EIF5B: variants seen among roughly 807,000 people sequenced by gnomAD.
EIF5B encodes the protein eukaryotic translation initiation factor 5B, also known as eIF-5B.
EIF5B carries 47 observed loss-of-function variants against 147.5 expected under a neutral mutation model. That is an observed-to-expected ratio of 0.32 (90% CI 0.25 to 0.41). The LOEUF (loss-of-function observed/expected upper bound fraction) is 0.41. EIF5B is among the 10% of genes least tolerant of loss of function. EIF5B has a pLI of 1.00. For missense variants in EIF5B, 1,064 were observed against 1,413.2 expected (o/e 0.75, Z 3.96); for synonymous variants, 455 against 456.2 (o/e 1.00, Z 0.03).
intron 1 of EIF5B, among the ~76,000 whole-genome samples, chr2:99,344,404 TTTGTTG>T (rs149285717): frequency 3.7e-3 from 551 of 149,510 alleles, no homozygotes; most frequent in African/African-American, 0.012. Context: ...GCCACCACAG[TTTGTTG>T]TTGTTGTTGT....
Position 99,360,320 on chromosome 2 carries a change from A to C in EIF5B, c.120A>C (p.Ser40=). The change falls in exon 2 of 24, where the codon TCA becomes TCC. Residue 40 remains serine, a synonymous_variant. Coordinates refer to ENST00000289371, the MANE Select transcript of EIF5B (RefSeq NM_015904.4). ...CCAAAGAACAGGAGCCTCAAAAGTC[A>C]AAAGGGAAAAAGAAAAAAGAGAAAA... ...GAAKEQEPQK[S]KGKKKKEKKK... The C allele has an allele frequency of 6.2e-7, 1 of 1,611,150 alleles. No homozygotes were observed. Among genetic ancestry groups the C allele is most frequent in the Non-Finnish European group, 8.5e-7 (1 of 1,179,016 alleles).
At chr2:99,362,873 C>G (rs1674249004) in intron 4 of EIF5B, among the ~76,000 whole-genome samples, 1 of 151,666 alleles carries the variant, frequency 6.6e-6, no homozygotes, top group Non-Finnish European at 1.5e-5. Flanking sequence ...ATTCTCCTGT[C>G]TCAGCCTCCC....
At chr2:99,359,999 T>C (rs1674173993) in intron 1 of EIF5B, among the ~76,000 whole-genome samples, 1 of 152,208 alleles carries the variant, frequency 6.6e-6, no homozygotes, top group Non-Finnish European at 1.5e-5. Context: ...ACCCTGATTT[T>C]TTTCTGGAGC....
rs761770096 is a variant in EIF5B at position 99,360,286 on chromosome 2, C to T, written c.86C>T (p.Ala29Val). The T allele has an allele frequency of 1.2e-6, 2 of 1,610,956 alleles. No individual in the cohort carries two copies. Among genetic ancestry groups the T allele is most frequent in the East Asian group, 4.5e-5 (2 of 44,780 alleles). The change falls in exon 2 of 24, where the codon GCT becomes GTT. Residue 29 changes from alanine (A) to valine (V), a missense_variant. Transcript: ENST00000289371. ...GCCTTGGCTGCAGAAATAGAAGGAG[C>T]TGGTGCTGCCAAAGAACAGGAGCCT... is the stretch of plus-strand genomic sequence containing the variant. ...LDALAAEIEG[A>V]GAAKEQEPQK... is the part of the protein sequence containing the mutation.
At chr2:99,388,757 G>C (rs570056809) in intron 14 of EIF5B, among the ~76,000 whole-genome samples, 10 of 152,276 alleles carry the variant, frequency 6.6e-5, no homozygotes, top group Non-Finnish European at 1.5e-4. Context: ...GTTCATGAGT[G>C]ATATGAGTAT....
intron 1 of EIF5B, among the ~76,000 whole-genome samples, chr2:99,344,190 G>T (rs1029174672): frequency 6.6e-6 from 1 of 152,128 alleles, no homozygotes; most frequent in African/African-American, 2.4e-5. Flanking sequence ...GAAGTGCTGG[G>T]ATTATAGGCG....
intron 1 of EIF5B, among the ~76,000 whole-genome samples, chr2:99,342,671 A>G (rs1559241675): frequency 1.3e-5 from 2 of 151,328 alleles, no homozygotes; most frequent in African/African-American, 4.9e-5. Flanking sequence ...TCACTCTGTC[A>G]CCCAGGCTAG....
At chr2:99,351,084 T>C (rs1673943729) in intron 1 of EIF5B, among the ~76,000 whole-genome samples, 2 of 152,238 alleles carry the variant, frequency 1.3e-5, no homozygotes, top group South Asian at 2.1e-4. Context: ...CCCAGCACTT[T>C]GGGAGGCCAA....
At chr2:99,364,203 T>G (rs984316428) in intron 5 of EIF5B, 68 bp from the exon 6 acceptor site, 9 of 1,500,776 alleles carry the variant, frequency 6.0e-6, no homozygotes, top group Non-Finnish European at 8.0e-6. Flanking sequence ...AAGTTTGGAT[T>G]GTTTACATTT....
At chr2:99,379,262 TTGC>T in intron 11 of EIF5B, 53 bp from the exon 12 acceptor site, 2 of 1,502,878 alleles carry the variant, frequency 1.3e-6, no homozygotes, top group East Asian at 2.3e-5. Context: ...CTTATTATTT[TTGC>T]TGCTATCTTT....
At chr2:99,368,105 C>A (rs1425340240) in intron 6 of EIF5B, among the ~76,000 whole-genome samples, 1 of 152,128 alleles carries the variant, frequency 6.6e-6, no homozygotes, top group East Asian at 1.9e-4. Context: ...ATGATAGAGG[C>A]CAGACCGTAA....
intron 23 of EIF5B, 62 bp from the exon 24 acceptor site, chr2:99,399,244 CA>C (rs1675144161): frequency 6.6e-7 from 1 of 1,514,564 alleles, no homozygotes; most frequent in East Asian, 2.3e-5. Context: ...CATCTGGGGC[CA>C]CAGCTTTCTT....
rs370651138 is a variant in EIF5B at position 99,387,954 on chromosome 2, T to C, written c.2272-1764T>C. Among the ~76,000 whole-genome samples the C allele has an allele frequency of 3.7e-4, 56 of 152,364 alleles. No homozygotes were observed. In the East Asian group the frequency reaches 8.9e-3, roughly 24 times the overall value. On this transcript the variant is annotated intron_variant, in intron 14 of 23. Transcript: ENST00000289371. ...TCCCAAAGTGCTAAGATTTAAGACC[T>C]GAGCCACCATGCCTGGCCAGGCCTT... is the stretch of plus-strand genomic sequence containing the variant.
At chr2:99,342,818 G>T (rs899320132) in intron 1 of EIF5B, among the ~76,000 whole-genome samples, 2 of 151,924 alleles carry the variant, frequency 1.3e-5, no homozygotes, top group African/African-American at 2.4e-5. Context: ...ATTTTTTGTA[G>T]AGATGGGGTC....
Position 99,361,853 on chromosome 2 carries a change from G to A in EIF5B, c.919+33G>A. ...AATACTTTAGAGGAAAGAGCAAAAG[G>A]CTTTTGATTCACAGTATAAGTTGTA... On this transcript the variant is annotated intron_variant, in intron 4 of 23. Coordinates refer to ENST00000289371, the MANE Select transcript of EIF5B (RefSeq NM_015904.4). The A allele has an allele frequency of 2.0e-6, 3 of 1,486,064 alleles. No individual in the cohort carries two copies. In the Admixed American group the frequency reaches 7.8e-5, roughly 39 times the overall value. The allele number at this position is 1,486,064 out of a possible 1,614,324, so 92.1% of individuals were successfully genotyped here.
intron 1 of EIF5B, among the ~76,000 whole-genome samples, chr2:99,338,954 A>G (rs911515751): frequency 1.2e-4 from 15 of 125,368 alleles, no homozygotes; most frequent in Non-Finnish European, 2.5e-4. Flanking sequence ...ATATATACAC[A>G]CATATATATA....
At chr2:99,373,550 C>T (rs1037754449) in intron 9 of EIF5B, among the ~76,000 whole-genome samples, 2 of 152,134 alleles carry the variant, frequency 1.3e-5, no homozygotes, top group African/African-American at 4.8e-5. Context: ...CTACCTCCTA[C>T]CAGCAAAATG....
At chr2:99,367,431 C>CTTTTTTTTTTTTTTTTT (rs139007055) in intron 6 of EIF5B, among the ~76,000 whole-genome samples, 1 of 143,758 alleles carries the variant, frequency 7.0e-6, no homozygotes, top group Non-Finnish European at 1.5e-5. Flanking sequence ...AGTTGAAACT[C>CTTTTTTTTTTTTTTTTT]TTTTTTTTTT....
chr2:99,371,888 C>G (rs948326192), intron 9 of EIF5B, among the ~76,000 whole-genome samples, 158 bp downstream of exon 9: 2 of 152,158 alleles, frequency 1.3e-5, no homozygotes, highest in African/African-American at 4.8e-5. Context: ...TTTCTAAGTC[C>G]TCAAGTGGAT....
Sources: allele counts gnomAD v4.1 joint callset (sites outside exome capture counted in the v4.1 genomes callset), GRCh38; gene constraint gnomAD v4.1.1; transcripts MANE v1.5; gene names NCBI Gene and HGNC (gene_info 2026-07-23, HGNC 2026-07-21).